INPP4B: variants seen among roughly 807,000 people sequenced by gnomAD.
INPP4B encodes inositol polyphosphate 4-phosphatase type II.
In INPP4B, 55 loss-of-function variants were observed where a neutral mutation model predicts 122.5. That is an observed-to-expected ratio of 0.45 (90% CI 0.36 to 0.56). INPP4B has a LOEUF of 0.56. Among genes scored for constraint, INPP4B ranks in the 20% least tolerant of loss-of-function variants. The pLI is 0.00. For missense variants in INPP4B, 1,000 were observed against 1,097.7 expected, an observed-to-expected ratio of 0.91 and a Z score of 1.26; for synonymous variants, 403 against 388.7, an observed-to-expected ratio of 1.04 and a Z score of -0.43.
chr4:142,569,366 G>C lies in INPP4B; in HGVS notation c.-190-106640C>G, dbSNP rs1057510993. On this transcript the variant is annotated intron_variant, in intron 2 of 25. Coordinates refer to ENST00000262992, the MANE Select transcript of INPP4B (RefSeq NM_001101669.3). ...TATGTTTCTACCCCACAAAGGAGTG[G>C]TTTGCTTGCTTTTGCTTATTAACAG... is the stretch of plus-strand genomic sequence containing the variant. 1.1e-4 allele frequency among the ~76,000 whole-genome samples: 17 copies of C among 151,650 alleles called. 1 individual carries two copies. The highest frequency in any genetic ancestry group is 2.6e-4 in the Admixed American group (4 of 15,194).
chr4:142,039,078 G>A (rs115059728), intron 25 of INPP4B, among the ~76,000 whole-genome samples: 100 of 152,226 alleles, frequency 6.6e-4, no homozygotes, highest in African/African-American at 2.2e-3. Flanking sequence ...CCAGTTGTAA[G>A]ATTAGATTCA....
At chr4:142,180,036 A>G (rs143790377) in intron 15 of INPP4B, among the ~76,000 whole-genome samples, 10 of 152,252 alleles carry the variant, frequency 6.6e-5, no homozygotes, top group African/African-American at 2.4e-4. Flanking sequence ...ACAGAGTAAG[A>G]AAGGTCCAGG....
At chr4:142,594,815 T>A (rs1489682641) in intron 2 of INPP4B, among the ~76,000 whole-genome samples, 1 of 151,090 alleles carries the variant, frequency 6.6e-6, no homozygotes, top group Non-Finnish European at 1.5e-5. Context: ...ATTAGCCGAG[T>A]GTGGTGGTGG....
intron 2 of INPP4B, among the ~76,000 whole-genome samples, chr4:142,568,432 T>C (rs967846620): frequency 1.3e-5 from 2 of 152,176 alleles, no homozygotes; most frequent in Non-Finnish European, 2.9e-5. Context: ...AAATAGGATT[T>C]AGAAATGTTT....
chr4:142,753,663 T>C (rs1039397328), intron 1 of INPP4B, among the ~76,000 whole-genome samples: 2 of 152,066 alleles, frequency 1.3e-5, no homozygotes, highest in South Asian at 2.1e-4. Flanking sequence ...TAAGGATTAA[T>C]TTTACTGTTG....
At chr4:142,101,018 A>C (rs1784239567) in intron 23 of INPP4B, among the ~76,000 whole-genome samples, 1 of 152,164 alleles carries the variant, frequency 6.6e-6, no homozygotes, top group South Asian at 2.1e-4. Flanking sequence ...TCTCTGTGCT[A>C]ATCAGAAGCA....
chr4:142,694,138 C>G (rs1168908455), intron 2 of INPP4B, among the ~76,000 whole-genome samples: 1 of 151,856 alleles, frequency 6.6e-6, no homozygotes, highest in Non-Finnish European at 1.5e-5. Flanking sequence ...TTTGGGAGGC[C>G]GACGCAGGCA....
chr4:142,201,718 T>C (rs1208812397), intron 14 of INPP4B, among the ~76,000 whole-genome samples: 1 of 151,952 alleles, frequency 6.6e-6, no homozygotes, highest in Non-Finnish European at 1.5e-5. Context: ...AAAAATAACC[T>C]ATAAGAAAAC....
rs548411112 is a variant in INPP4B, at chr4:142,790,334, C to A, written c.-254+55875G>T. 5.3e-5 allele frequency among the ~76,000 whole-genome samples: 8 copies of A among 152,056 alleles called. No individual in the cohort carries two copies. The South Asian group carries it at 8.3e-4, about 16-fold the overall frequency. ...TATACATCTGACAAAGGACTGATATCCAAAATCTACAATGAACTCAAAAAA... is the reference window on the plus strand; with the variant it reads ...TATACATCTGACAAAGGACTGATATACAAAATCTACAATGAACTCAAAAAA... On this transcript the variant is annotated intron_variant, in intron 1 of 25. Coordinates refer to ENST00000262992, the MANE Select transcript of INPP4B (RefSeq NM_001101669.3).
intron 1 of INPP4B, among the ~76,000 whole-genome samples, chr4:142,743,061 G>A (rs983775555): frequency 1.3e-5 from 2 of 151,998 alleles, no homozygotes; most frequent in African/African-American, 2.4e-5. Context: ...AACAAGCCAT[G>A]AGGAATTTCT....
At chr4:142,670,645 C>T (rs936931870) in intron 2 of INPP4B, among the ~76,000 whole-genome samples, 8 of 151,834 alleles carry the variant, frequency 5.3e-5, no homozygotes, top group East Asian at 1.9e-4. Flanking sequence ...TCAAGGGCTG[C>T]GGTGGTTTGG....
intron 3 of INPP4B, among the ~76,000 whole-genome samples, chr4:142,458,200 T>C (rs367778120): frequency 6.6e-6 from 1 of 152,200 alleles, no homozygotes; most frequent in East Asian, 1.9e-4. Flanking sequence ...GGCTGTGTAC[T>C]GTATAATTCT....
intron 2 of INPP4B, among the ~76,000 whole-genome samples, chr4:142,523,757 CT>C (rs1387988363): frequency 6.7e-6 from 1 of 149,798 alleles, no homozygotes; most frequent in Non-Finnish European, 1.5e-5. Flanking sequence ...GCTGCACCCA[CT>C]AACTCGTCAT....
chr4:142,544,621 C>T (rs189303227), intron 2 of INPP4B, among the ~76,000 whole-genome samples: 3 of 152,182 alleles, frequency 2.0e-5, no homozygotes, highest in Admixed American at 2.0e-4. Context: ...GCTTTATATT[C>T]CTTCCTACCA....
intron 18 of INPP4B, among the ~76,000 whole-genome samples, chr4:142,128,055 A>T (rs1021931902): frequency 5.9e-5 from 9 of 151,300 alleles, no homozygotes; most frequent in Admixed American, 2.0e-4. Flanking sequence ...GGGGAAAATT[A>T]AAAAAAACCC....
At position 142,614,742 on chromosome 4, in the gene INPP4B, A is replaced by AT. The variant is rs561067816; in HGVS notation, c.-191+111096dup. Among the ~76,000 whole-genome samples the AT allele has an allele frequency of 5.2e-4, 79 of 152,252 alleles. No individual in the cohort carries two copies. In the South Asian group the frequency reaches 6.8e-3, roughly 13 times the overall value. On this transcript the variant is annotated intron_variant, in intron 2 of 25. Coordinates refer to ENST00000262992, the MANE Select transcript of INPP4B (RefSeq NM_001101669.3). ...AAGTAGACAAAGGACATGAACAGAC[A>AT]TTTTTTCAAAAGAAAACATACAAGT... is the stretch of plus-strand genomic sequence containing the variant.
chr4:142,639,910 T>C lies in INPP4B; in HGVS notation c.-191+85929A>G, dbSNP rs569890743. Reference sequence around the variant, plus strand: ...CACTACCCATGTATCTCATCTACTTTAGTTGAAAAGATAATCTTTTCAACA... The same window carrying C: ...CACTACCCATGTATCTCATCTACTTCAGTTGAAAAGATAATCTTTTCAACA... On this transcript the variant is annotated intron_variant, in intron 2 of 25. Transcript: ENST00000262992. Among the ~76,000 whole-genome samples, 7 of 152,314 alleles carry C rather than the reference T, an allele frequency of 4.6e-5. No individual in the cohort carries two copies. The East Asian group carries it at 1.4e-3, about 29-fold the overall frequency.
chr4:142,236,893 G>C (rs1014033604), intron 12 of INPP4B, among the ~76,000 whole-genome samples: 2 of 152,168 alleles, frequency 1.3e-5, no homozygotes, highest in African/African-American at 4.8e-5. Context: ...CTCTGCTGTA[G>C]ATTTCAGCAA....
intron 14 of INPP4B, among the ~76,000 whole-genome samples, chr4:142,197,663 A>G (rs1838904204): frequency 6.6e-6 from 1 of 152,192 alleles, no homozygotes; most frequent in Non-Finnish European, 1.5e-5. Flanking sequence ...AGATCACAAT[A>G]AAAGTTACTA....
Sources: allele counts gnomAD v4.1 joint callset (sites outside exome capture counted in the v4.1 genomes callset), GRCh38; gene constraint gnomAD v4.1.1; transcripts MANE v1.5; gene names NCBI Gene and HGNC (gene_info 2026-07-23, HGNC 2026-07-21).